DONSON: variants seen among roughly 807,000 people sequenced by gnomAD.
DONSON encodes the protein protein downstream neighbor of Son.
In DONSON, 43 loss-of-function variants were observed where a neutral mutation model predicts 62.1. That is an observed-to-expected ratio of 0.69 (90% confidence interval 0.54 to 0.89). The LOEUF is 0.89. Among genes scored for constraint, DONSON ranks in the 40% least tolerant of loss-of-function variants. The probability of loss-of-function intolerance (pLI) is 0.00; values close to 1 mark genes in which losing one functional copy is unlikely to be tolerated. For synonymous variants in DONSON, 266 were observed against 264.6 expected (o/e 1.01, Z -0.05); for missense variants, 696 against 697.5 (o/e 1.00, Z 0.03).
intron 3 of DONSON, among the ~76,000 whole-genome samples, chr21:33,585,387 ATTTTTT>A (rs773327167): frequency 1.1e-4 from 12 of 109,818 alleles, no homozygotes; most frequent in Middle Eastern, 5.0e-3. Context: ...TGCTCAGCTA[ATTTTTT>A]TTTTTTTTTT....
chr21:33,588,486 C>T lies in DONSON; in HGVS notation c.156G>A (p.Gly52=). 2 of 1,264,492 alleles carry T rather than the reference C, an allele frequency of 1.6e-6. No homozygotes were observed. The highest frequency in any genetic ancestry group is 4.1e-5 in the Admixed American group (1 of 24,162). The allele number at this position is 1,264,492 out of a possible 1,614,324, so 78.3% of individuals were successfully genotyped here. A position where few individuals can be genotyped will look rare whatever the true frequency, so the allele number is the denominator to read the frequency against. ...PAARRAALVA[G]LPLRPFPAAG... ...CAGCAGGGAAAGGGCGAAGAGGCAGCCCCGCCACCAGGGCGGCTCGGCGGG... is the reference window on the plus strand; with the variant it reads ...CAGCAGGGAAAGGGCGAAGAGGCAGTCCCGCCACCAGGGCGGCTCGGCGGG... Residue 52 remains glycine, a synonymous_variant, in exon 1 of 10, where the codon GGG becomes GGA. Coordinates refer to ENST00000303071, the MANE Select transcript of DONSON (RefSeq NM_017613.4).
rs1339582671 is a variant in DONSON at position 33,582,040 on chromosome 21, ACT to A, written c.1060_1061del (p.Ser354Ter). ...SLGYGEEQAI[S>X]DEDEEESFSW... ...AAAAACTTTCCTCTTCATCCTCATC[ACT>A]GATGGCTTGCTCCCTAGGAAATTGC... On this transcript the variant is annotated frameshift_variant, in exon 7 of 10. Coordinates refer to ENST00000303071, the MANE Select transcript of DONSON (RefSeq NM_017613.4). LOFTEE classifies it high-confidence loss of function. 6.2e-7 allele frequency: 1 copy of A among 1,614,102 alleles called. No homozygotes were observed.
intron 8 of DONSON, among the ~76,000 whole-genome samples, chr21:33,580,134 T>C (rs2086488719): frequency 6.6e-6 from 1 of 151,206 alleles, no homozygotes; most frequent in East Asian, 1.9e-4. Context: ...GAGGCAGAGG[T>C]TGAAGAATCG....
At chr21:33,582,433 G>C (rs186128828) in intron 5 of DONSON, among the ~76,000 whole-genome samples, 187 bp from the exon 6 acceptor site, 2 of 152,022 alleles carry the variant, frequency 1.3e-5, no homozygotes, top group South Asian at 2.1e-4. Flanking sequence ...AAAGAGGTTC[G>C]GGAAACAACA....
At chr21:33,588,236 G>T in intron 1 of DONSON, 85 bp downstream of exon 1, 2 of 1,079,152 alleles carry the variant, frequency 1.9e-6, no homozygotes, top group Non-Finnish European at 2.3e-6. Flanking sequence ...TGCCTCGAAC[G>T]CGAGGACTTT....
rs771966526 is a variant in DONSON, at chr21:33,588,378, C to T, written c.264G>A (p.Arg88=). The T allele has an allele frequency of 3.8e-4, 488 of 1,292,022 alleles. No individual in the cohort carries two copies. The highest frequency in any genetic ancestry group is 5.0e-4 in the Middle Eastern group (2 of 3,966). 80.0% of individuals were successfully genotyped at this position (1,292,022 alleles called of 1,614,324 possible). A position where few individuals can be genotyped will look rare whatever the true frequency, so the allele number is the denominator to read the frequency against. Residue 88 remains arginine (R), a synonymous_variant, in exon 1 of 10, where the codon CGG becomes CGA. Transcript: ENST00000303071. ...GCCCGTCGGGGGGCTCCGCGGCGAC[C>T]CGCGGTCGGTTGTCCAGGCGGGCGA... is the stretch of plus-strand genomic sequence containing the variant. ...NPFARLDNRP[R]VAAEPPDGPA...
At chr21:33,581,133 TC>T (rs893776515) in intron 8 of DONSON, 168 bp downstream of exon 8, 109 of 570,290 alleles carry the variant, frequency 1.9e-4, no homozygotes, top group Admixed American at 8.9e-4. Flanking sequence ...CCACATAATT[TC>T]TTTGATATAA....
chr21:33,579,407 T>G lies in DONSON; in HGVS notation c.1506A>C (p.Pro502=), dbSNP rs1347772157. 1 of 1,613,344 alleles carries G rather than the reference T, an allele frequency of 6.2e-7. No individual in the cohort carries two copies. Among genetic ancestry groups the G allele is most frequent in the East Asian group, 2.2e-5 (1 of 44,868 alleles). ...QSGSFSAVLY[P]HEPTAVFNIC... ...TGTTAAATACAGCAGTTGGCTCGTG[T>G]GGATACAGTACTGCAGAGAAAGATC... The change falls in exon 9 of 10, where the codon CCA becomes CCC. Residue 502 remains proline, a synonymous_variant. Transcript: ENST00000303071.
chr21:33,581,333 G>C lies in DONSON; in HGVS notation c.1319C>G (p.Ala440Gly). ...GLPPTLLSPVAFRGATMQMLK... is the reference protein window; with the variant it reads ...GLPPTLLSPVGFRGATMQMLK... ...CATTTGCATTGTGGCACCTCGGAAA[G>C]CAACAGGGGACAAGAGGGTTGGAGG... is the stretch of plus-strand genomic sequence containing the variant. The change falls in exon 8 of 10, where the codon GCT becomes GGT. Residue 440 changes from alanine to glycine, a missense_variant. By Grantham distance (60) the Ala-to-Gly change is moderately conservative. Coordinates refer to ENST00000303071, the MANE Select transcript of DONSON (RefSeq NM_017613.4). 6.2e-7 allele frequency: 1 copy of C among 1,614,158 alleles called. No individual in the cohort carries two copies. The highest frequency in any genetic ancestry group is 8.5e-7 in the Non-Finnish European group (1 of 1,180,026).
intron 9 of DONSON, among the ~76,000 whole-genome samples, 176 bp from the exon 10 acceptor site, chr21:33,578,620 T>C (rs139365519): frequency 6.9e-4 from 105 of 152,356 alleles, no homozygotes; most frequent in African/African-American, 2.4e-3. Context: ...TTAATGGTTA[T>C]AAGTCTAGCC....
At position 33,588,459 on chromosome 21, in the gene DONSON, C is replaced by A; in HGVS notation, c.183G>T (p.Ala61=). Reference sequence around the variant, plus strand: ...CGCCGCTGCCACCGCCTCTGCCCCCCGCAGCAGGGAAAGGGCGAAGAGGCA... The same window carrying A: ...CGCCGCTGCCACCGCCTCTGCCCCCAGCAGCAGGGAAAGGGCGAAGAGGCA... ...AGLPLRPFPA[A]GGRGGGSGGG... is the part of the protein sequence containing the mutation. The change falls in exon 1 of 10, where the codon GCG becomes GCT. Residue 61 remains alanine (A), a synonymous_variant. Transcript: ENST00000303071. The A allele has an allele frequency of 7.7e-7, 1 of 1,301,466 alleles. No individual in the cohort carries two copies. The highest frequency in any genetic ancestry group is 9.7e-7 in the Non-Finnish European group (1 of 1,026,060). The allele number at this position is 1,301,466 out of a possible 1,614,324, so 80.6% of individuals were successfully genotyped here. A position where few individuals can be genotyped will look rare whatever the true frequency, so the allele number is the denominator to read the frequency against.
At chr21:33,586,236 C>T in intron 2 of DONSON, 55 bp from the exon 3 acceptor site, 1 of 1,440,146 alleles carries the variant, frequency 6.9e-7, no homozygotes, top group Non-Finnish European at 9.7e-7. Flanking sequence ...AAACCTTCAA[C>T]CTAAAGATTT....
At position 33,579,481 on chromosome 21, in the gene DONSON, G is replaced by T; in HGVS notation, c.1432C>A (p.Pro478Thr). ...ATGGTCAGTGAATGCAGAGAATGAG[G>T]CATGATAGGACCTGTAATCTCCAAA... ...FSLEITGPIM[P>T]HSLHSLTMLL... The change falls in exon 9 of 10, where the codon CCT becomes ACT. Residue 478 changes from proline (P) to threonine (T), a missense_variant. By Grantham distance (38) the Pro-to-Thr change is conservative. Coordinates refer to ENST00000303071, the MANE Select transcript of DONSON (RefSeq NM_017613.4). 1 of 1,614,212 alleles carries T rather than the reference G, an allele frequency of 6.2e-7. No homozygotes were observed. Among genetic ancestry groups the T allele is most frequent in the Non-Finnish European group, 8.5e-7 (1 of 1,180,024 alleles).
At position 33,586,596 on chromosome 21, in the gene DONSON, C is replaced by T. The variant is rs76200321; in HGVS notation, c.403-415G>A. ...CCTGACTTCAAATATTTCCCCTCAA[C>T]CTGTCTGCTTCAGGTCGACGTTCTC... On this transcript the variant is annotated intron_variant, in intron 2 of 9. Transcript: ENST00000303071. Among the ~76,000 whole-genome samples the T allele has an allele frequency of 6.6e-3, 1,000 of 152,292 alleles. 12 individuals carry two copies. Among genetic ancestry groups the T allele is most frequent in the African/African-American group, 0.023 (963 of 41,570 alleles).
intron 8 of DONSON, among the ~76,000 whole-genome samples, chr21:33,580,755 A>C (rs897812814): frequency 5.6e-4 from 85 of 152,098 alleles, no homozygotes; most frequent in Non-Finnish European, 4.0e-4. Flanking sequence ...GGTGGTGCCC[A>C]CCTGTAACCC....
intron 4 of DONSON, 70 bp from the exon 5 acceptor site, chr21:33,583,736 T>G: frequency 1.6e-6 from 2 of 1,215,570 alleles, no homozygotes; most frequent in Non-Finnish European, 2.3e-6. Flanking sequence ...TCTGAATAAT[T>G]CAGTTTGATA....
intron 5 of DONSON, among the ~76,000 whole-genome samples, chr21:33,582,779 T>G (rs906650961): frequency 5.9e-5 from 9 of 152,180 alleles, no homozygotes; most frequent in African/African-American, 2.2e-4. Flanking sequence ...GGTGAGCGAC[T>G]GTCGAGTGAA....
At chr21:33,579,099 G>A (rs1396709148) in intron 9 of DONSON, among the ~76,000 whole-genome samples, 2 of 150,390 alleles carry the variant, frequency 1.3e-5, no homozygotes, top group South Asian at 4.2e-4. Context: ...GACTCGCGCC[G>A]CTGCACTCCA....
chr21:33,578,031 T>A lies in DONSON; in HGVS notation c.*276A>T, dbSNP rs933866883. ...TGCCATGGGGTAACTGCTATGTGATTTCCCATTTGCAAGGAAGCATATTAA... is the reference window on the plus strand; with the variant it reads ...TGCCATGGGGTAACTGCTATGTGATATCCCATTTGCAAGGAAGCATATTAA... On this transcript the variant is annotated 3_prime_UTR_variant, in exon 10 of 10. Coordinates refer to ENST00000303071, the MANE Select transcript of DONSON (RefSeq NM_017613.4). 4.3e-5 allele frequency: 11 copies of A among 257,070 alleles called. No homozygotes were observed. Among genetic ancestry groups the A allele is most frequent in the Non-Finnish European group, 7.3e-5 (10 of 136,244 alleles). 15.9% of individuals were successfully genotyped at this position (257,070 alleles called of 1,614,324 possible). A position where few individuals can be genotyped will look rare whatever the true frequency, so the allele number is the denominator to read the frequency against.
Sources: gnomAD v4.1 joint callset for allele counts (sites outside exome capture counted in the v4.1 genomes callset) on GRCh38, gnomAD v4.1.1 for gene constraint, MANE v1.5 for transcripts, NCBI Gene and HGNC (gene_info 2026-07-23, HGNC 2026-07-21) for gene names.